Variants in AGMO observed in about 807,000 individuals in gnomAD.
The protein encoded by AGMO is alkylglycerol monooxygenase.
Under a neutral mutation model 60.2 loss-of-function variants are expected in AGMO, and 75 were observed. That is an observed-to-expected ratio of 1.25 (90% CI 1.03 to 1.51). AGMO has a LOEUF of 1.51. Ranked by LOEUF, AGMO falls within the 40% of genes most tolerant of loss-of-function variation. AGMO has a pLI of 0.00. For missense variants in AGMO, 763 were observed against 525.5 expected (o/e 1.45, Z -4.42); for synonymous variants, 261 against 177.1 (o/e 1.47, Z -3.76).
intron 12 of AGMO, among the ~76,000 whole-genome samples, chr7:15,334,500 T>C (rs2128545936): frequency 6.6e-6 from 1 of 152,244 alleles, no homozygotes; most frequent in East Asian, 1.9e-4. Context: ...TCCTTTGCTT[T>C]TCCCTAGGGC....
chr7:15,377,351 C>G (rs1193656516), intron 10 of AGMO, among the ~76,000 whole-genome samples: 1 of 151,958 alleles, frequency 6.6e-6, no homozygotes, highest in Admixed American at 6.6e-5. Context: ...TGATATTTCT[C>G]TTCGTCAATA....
intron 12 of AGMO, among the ~76,000 whole-genome samples, chr7:15,323,202 G>A (rs1781236182): frequency 6.6e-6 from 1 of 152,114 alleles, no homozygotes; most frequent in South Asian, 2.1e-4. Context: ...CAGTGCAGAT[G>A]AAGAGCAAGA....
intron 5 of AGMO, among the ~76,000 whole-genome samples, chr7:15,404,254 G>T (rs879732122): frequency 6.6e-6 from 1 of 151,834 alleles, no homozygotes; most frequent in African/African-American, 2.4e-5. Context: ...AAAGGACTGC[G>T]TTTATAATAA....
At chr7:15,140,505 G>C in the AGMO span, among the ~76,000 whole-genome samples, 3 of 151,798 alleles carry the variant, frequency 2.0e-5, no homozygotes, top group African/African-American at 7.3e-5. Flanking sequence ...GTCTTCATAG[G>C]ACTCTAATTA....
intron 3 of AGMO, among the ~76,000 whole-genome samples, chr7:15,452,477 T>C (rs888460376): frequency 2.0e-5 from 3 of 152,120 alleles, no homozygotes; most frequent in African/African-American, 7.2e-5. Flanking sequence ...AGTAAGCACA[T>C]AAAAAATGCA....
intron 12 of AGMO, among the ~76,000 whole-genome samples, chr7:15,248,183 T>TATATATACATAC (rs1393276691): frequency 2.7e-5 from 1 of 36,470 alleles, no homozygotes; most frequent in Admixed American, 2.4e-4. Context: ...CAGCACCATA[T>TATATATACATAC]ATATATATAT....
At chr7:15,322,905 T>C (rs1781219156) in intron 12 of AGMO, among the ~76,000 whole-genome samples, 1 of 146,578 alleles carries the variant, frequency 6.8e-6, no homozygotes, top group African/African-American at 2.5e-5. Context: ...GGAAAAAATA[T>C]ATATATACAC....
rs867513389 is a variant in AGMO, at chr7:15,385,158, G to T, written c.1074+288C>A. Reference sequence around the variant, plus strand: ...TTCTGACTTCTGAAGTATTTTTATTGTAATTGTTTTAAAATTTGTTTATGG... The same window carrying T: ...TTCTGACTTCTGAAGTATTTTTATTTTAATTGTTTTAAAATTTGTTTATGG... On this transcript the variant is annotated intron_variant, in intron 10 of 12. Coordinates refer to ENST00000342526, the MANE Select transcript of AGMO (RefSeq NM_001004320.2). Among the ~76,000 whole-genome samples the T allele has an allele frequency of 3.3e-5, 5 of 152,242 alleles. No homozygotes were observed. In the East Asian group the frequency reaches 7.7e-4, roughly 24 times the overall value.
At position 15,431,052 on chromosome 7, in the gene AGMO, A is replaced by T. The variant is rs779870725; in HGVS notation, c.466T>A (p.Leu156Ile). The T allele has an allele frequency of 1.4e-5, 23 of 1,611,264 alleles. 1 individual carries two copies. In the East Asian group the frequency reaches 1.8e-4, roughly 13 times the overall value. Reference sequence around the variant, plus strand: ...ACAGACTGTCTCAGTGCTGTGGATAAGTTATAGTCTTCAGAACTATGATGT... The same window carrying T: ...ACAGACTGTCTCAGTGCTGTGGATATGTTATAGTCTTCAGAACTATGATGT... ...QTHHSSEDYN[L>I]STALRQSVLQ... Residue 156 changes from leucine to isoleucine, a missense_variant, in exon 4 of 13, where the codon TTA becomes ATA. Coordinates refer to ENST00000342526, the MANE Select transcript of AGMO (RefSeq NM_001004320.2).
chr7:15,486,878 T>C (rs1339770176), intron 3 of AGMO, among the ~76,000 whole-genome samples: 2 of 152,132 alleles, frequency 1.3e-5, no homozygotes, highest in Non-Finnish European at 2.9e-5. Context: ...GCTTCACACA[T>C]ACAAAAAAAT....
chr7:15,465,420 C>A (rs1026842999), intron 3 of AGMO, among the ~76,000 whole-genome samples: 23 of 150,272 alleles, frequency 1.5e-4, no homozygotes, highest in African/African-American at 4.4e-4. Flanking sequence ...GAATAAAAGT[C>A]TCAAAGTTGT....
intron 3 of AGMO, among the ~76,000 whole-genome samples, chr7:15,469,620 C>T (rs151306329): frequency 2.2e-3 from 334 of 152,142 alleles, no homozygotes; most frequent in Non-Finnish European, 4.0e-3. Flanking sequence ...TCAAGACCAT[C>T]TTAGCAGTGA....
intron 12 of AGMO, among the ~76,000 whole-genome samples, chr7:15,239,075 T>A (rs897909568): frequency 7.9e-5 from 12 of 152,100 alleles, no homozygotes; most frequent in African/African-American, 2.9e-4. Context: ...AAAACTTAAA[T>A]TCAGGAAGTC....
the AGMO span, among the ~76,000 whole-genome samples, chr7:15,153,409 C>T: frequency 6.6e-6 from 1 of 152,124 alleles, no homozygotes; most frequent in South Asian, 2.1e-4. Context: ...ATCATGAAGC[C>T]TTTGCTTAAG....
At chr7:15,353,640 A>C (rs1782342832) in intron 12 of AGMO, among the ~76,000 whole-genome samples, 1 of 152,224 alleles carries the variant, frequency 6.6e-6, no homozygotes, top group Non-Finnish European at 1.5e-5. Flanking sequence ...CTATGTTCTG[A>C]TGATTGCAGT....
chr7:15,308,798 A>C (rs180692180), intron 12 of AGMO, among the ~76,000 whole-genome samples: 3 of 152,158 alleles, frequency 2.0e-5, no homozygotes, highest in African/African-American at 2.4e-5. Context: ...CTTGGAAGCC[A>C]CCAGTGTTTT....
At chr7:15,376,616 G>A (rs144543797) in intron 10 of AGMO, among the ~76,000 whole-genome samples, 2 of 152,072 alleles carry the variant, frequency 1.3e-5, no homozygotes, top group African/African-American at 2.4e-5. Flanking sequence ...CCTATTATAA[G>A]ACCTTATTGA....
At chr7:15,412,160 T>A (rs1780630759) in intron 5 of AGMO, among the ~76,000 whole-genome samples, 1 of 152,176 alleles carries the variant, frequency 6.6e-6, no homozygotes, top group Non-Finnish European at 1.5e-5. Flanking sequence ...TGCACATTTC[T>A]TATGCTTTCT....
chr7:15,552,181 A>T (rs1385709904), intron 2 of AGMO, among the ~76,000 whole-genome samples: 1 of 152,194 alleles, frequency 6.6e-6, no homozygotes, highest in African/African-American at 2.4e-5. Flanking sequence ...AAGATGGATT[A>T]AAGACTTAAA....
Sources: gnomAD v4.1 joint callset for allele counts (sites outside exome capture counted in the v4.1 genomes callset) on GRCh38, gnomAD v4.1.1 for gene constraint, MANE v1.5 for transcripts, NCBI Gene and HGNC (gene_info 2026-07-23, HGNC 2026-07-21) for gene names.